GPC6: variants seen among roughly 807,000 people sequenced by gnomAD.
GPC6 encodes glypican 6.
A neutral mutation model predicts 55.2 loss-of-function variants in GPC6; 14 were observed. The ratio of observed to expected loss-of-function variants is 0.25; its 90% CI spans 0.17 to 0.40. The LOEUF is 0.40. Ranked by LOEUF, GPC6 falls within the 10% of genes least tolerant of loss-of-function variation. The pLI is 1.00. For synonymous variants in GPC6, 278 were observed against 259.6 expected, an observed-to-expected ratio of 1.07 and a Z score of -0.68; for missense variants, 641 against 708.5, an observed-to-expected ratio of 0.90 and a Z score of 1.08.
chr13:93,995,408 G>A (rs942115911), intron 3 of GPC6, among the ~76,000 whole-genome samples: 6 of 151,890 alleles, frequency 4.0e-5, no homozygotes, highest in Admixed American at 6.6e-5. Context: ...GGCTGGTCTC[G>A]ATCTCCTAAC....
rs142641201 is a variant in GPC6 at position 93,862,589 on chromosome 13, T to A, written c.711+32044T>A. On this transcript the variant is annotated intron_variant, in intron 3 of 8. Coordinates refer to ENST00000377047, the MANE Select transcript of GPC6 (RefSeq NM_005708.5). Reference sequence around the variant, plus strand: ...AAGATAAATACTGCCCTAATCTGCATCCCTGGGAACCATATATATACAACC... The same window carrying A: ...AAGATAAATACTGCCCTAATCTGCAACCCTGGGAACCATATATATACAACC... Among the ~76,000 whole-genome samples the A allele has an allele frequency of 1.4e-3, 219 of 151,450 alleles. 1 individual carries two copies. Among genetic ancestry groups the A allele is most frequent in the Non-Finnish European group, 2.8e-3 (188 of 67,730 alleles).
intron 2 of GPC6, among the ~76,000 whole-genome samples, chr13:93,637,658 G>A (rs1457630473): frequency 6.6e-6 from 1 of 152,056 alleles, no homozygotes; most frequent in Non-Finnish European, 1.5e-5. Context: ...TTAACCATGG[G>A]AATCTTATGT....
chr13:93,689,362 A>C (rs1566488146), intron 2 of GPC6, among the ~76,000 whole-genome samples: 1 of 152,140 alleles, frequency 6.6e-6, no homozygotes, highest in Non-Finnish European at 1.5e-5. Flanking sequence ...TTGAAAATAC[A>C]GATATGTAAC....
intron 2 of GPC6, among the ~76,000 whole-genome samples, chr13:93,657,425 C>G (rs1880723377): frequency 6.6e-6 from 1 of 152,000 alleles, no homozygotes; most frequent in Admixed American, 6.6e-5. Flanking sequence ...TGGACCCCTT[C>G]CTTTCACCAT....
chr13:93,431,314 A>C (rs1293112798), intron 1 of GPC6, among the ~76,000 whole-genome samples: 2 of 152,140 alleles, frequency 1.3e-5, no homozygotes, highest in East Asian at 3.9e-4. Context: ...TTGGAAGGAA[A>C]CATTTATGAG....
chr13:93,333,054 A>G (rs1217417472), intron 1 of GPC6, among the ~76,000 whole-genome samples: 1 of 152,028 alleles, frequency 6.6e-6, no homozygotes, highest in African/African-American at 2.4e-5. Context: ...TGTTCCATTG[A>G]TCTATGTGTC....
At chr13:94,183,229 C>A (rs1176280368) in intron 4 of GPC6, among the ~76,000 whole-genome samples, 1 of 152,186 alleles carries the variant, frequency 6.6e-6, no homozygotes, top group African/African-American at 2.4e-5. Context: ...TTACCCCCAA[C>A]CCCTGGTAAT....
At position 94,382,444 on chromosome 13, in the gene GPC6, T is replaced by C. The variant is rs1880199754; in HGVS notation, c.1183T>C (p.Ser395Pro). 2 of 1,613,954 alleles carry C rather than the reference T, an allele frequency of 1.2e-6. No individual in the cohort carries two copies. Among genetic ancestry groups the C allele is most frequent in the Middle Eastern group, 1.6e-4 (1 of 6,084 alleles). The change falls in exon 7 of 9, where the codon TCT becomes CCT. Residue 395 changes from serine (S) to proline (P), a missense_variant. By Grantham distance (74) the Ser-to-Pro change is moderately conservative. Coordinates refer to ENST00000377047, the MANE Select transcript of GPC6 (RefSeq NM_005708.5). Reference sequence around the variant, plus strand: ...AGACATAAAAGAGAAATTGAAGCTCTCTAAAAAGGTCTGGTCAGCATTACC... The same window carrying C: ...AGACATAAAAGAGAAATTGAAGCTCCCTAAAAAGGTCTGGTCAGCATTACC... Reference protein sequence around the residue: ...VTDIKEKLKLSKKVWSALPYT... With the variant: ...VTDIKEKLKLPKKVWSALPYT...
chr13:93,934,113 T>TTG (rs912244446), intron 3 of GPC6, among the ~76,000 whole-genome samples: 104 of 151,732 alleles, frequency 6.9e-4, no homozygotes, highest in African/African-American at 2.2e-3. Flanking sequence ...TGAGATGTAT[T>TTG]TGTGTGTGTG....
At chr13:93,401,976 A>G (rs1230001703) in intron 1 of GPC6, among the ~76,000 whole-genome samples, 1 of 152,100 alleles carries the variant, frequency 6.6e-6, no homozygotes, top group Non-Finnish European at 1.5e-5. Context: ...TTTAATCCTC[A>G]TGAAACGCTT....
chr13:94,386,188 T>C (rs1880396198), intron 7 of GPC6, among the ~76,000 whole-genome samples: 1 of 151,678 alleles, frequency 6.6e-6, no homozygotes, highest in African/African-American at 2.4e-5. Context: ...TGAAACCCCG[T>C]CTCTACTAAA....
intron 1 of GPC6, among the ~76,000 whole-genome samples, chr13:93,276,604 T>C (rs1877762737): frequency 6.6e-6 from 1 of 151,810 alleles, no homozygotes; most frequent in African/African-American, 2.4e-5. Flanking sequence ...CATGTGTGCC[T>C]GGGTGTGAAG....
At chr13:93,238,520 G>A (rs1421532526) in intron 1 of GPC6, among the ~76,000 whole-genome samples, 2 of 136,076 alleles carry the variant, frequency 1.5e-5, no homozygotes, top group Non-Finnish European at 3.2e-5. Context: ...CATATCATTG[G>A]CAAACATAGT....
In GPC6 at chr13:94,403,224, GT is replaced by G; in HGVS notation, c.*12del. On this transcript the variant is annotated 3_prime_UTR_variant, in exon 9 of 9. Transcript: ENST00000377047. The stretch of plus-strand genomic sequence containing the variant: ...GCAGAGACTGTGCAGATAATCTTGG[GT>G]TTTTGGTCAGATGAAACTGCATTTT... 5 of 1,606,664 alleles carry G rather than the reference GT, an allele frequency of 3.1e-6. No individual in the cohort carries two copies. The highest frequency in any genetic ancestry group is 3.4e-6 in the Non-Finnish European group (4 of 1,173,638).
chr13:93,975,713 A>C (rs1164804033), intron 3 of GPC6, among the ~76,000 whole-genome samples: 4 of 152,112 alleles, frequency 2.6e-5, no homozygotes, highest in African/African-American at 9.7e-5. Context: ...TTTACTCTGC[A>C]TGTGACTACT....
At chr13:93,902,458 G>T (rs532702965) in intron 3 of GPC6, among the ~76,000 whole-genome samples, 29 of 152,134 alleles carry the variant, frequency 1.9e-4, no homozygotes, top group African/African-American at 7.0e-4. Context: ...TCATCCATTG[G>T]TGGACAGACA....
chr13:93,742,556 A>C (rs1884244691), intron 2 of GPC6, among the ~76,000 whole-genome samples: 1 of 152,172 alleles, frequency 6.6e-6, no homozygotes, highest in Non-Finnish European at 1.5e-5. Context: ...AAGACAGACA[A>C]GTGGTTTTGT....
intron 1 of GPC6, among the ~76,000 whole-genome samples, chr13:93,381,052 T>G (rs1875147946): frequency 6.6e-6 from 1 of 152,290 alleles, no homozygotes; most frequent in East Asian, 1.9e-4. Context: ...GCATAAATTG[T>G]GAGTCAGTCT....
At chr13:93,591,930 G>C (rs1406110598) in intron 2 of GPC6, among the ~76,000 whole-genome samples, 1 of 152,084 alleles carries the variant, frequency 6.6e-6, no homozygotes, top group African/African-American at 2.4e-5. Context: ...TGTATTTTGG[G>C]TTGAGTTCTA....
Sources: gnomAD v4.1 joint callset for allele counts (sites outside exome capture counted in the v4.1 genomes callset) on GRCh38, gnomAD v4.1.1 for gene constraint, MANE v1.5 for transcripts, NCBI Gene and HGNC (gene_info 2026-07-23, HGNC 2026-07-21) for gene names.